SDK1: variants seen among roughly 807,000 people sequenced by gnomAD.
SDK1 encodes sidekick cell adhesion molecule 1, also known as protein sidekick-1.
Under a neutral mutation model 245.5 loss-of-function variants are expected in SDK1, and 157 were observed. The ratio of observed to expected loss-of-function variants is 0.64; its 90% confidence interval spans 0.56 to 0.73. SDK1 has a LOEUF of 0.73. Ranked by LOEUF, SDK1 falls within the 30% of genes least tolerant of loss-of-function variation. The probability of loss-of-function intolerance (pLI) is 0.00; values close to 1 mark genes in which losing one functional copy is unlikely to be tolerated. For missense variants in SDK1, 3,583 were observed against 3,002.3 expected, an observed-to-expected ratio of 1.19 and a Z score of -4.52; for synonymous variants, 1,647 against 1,278.5, an observed-to-expected ratio of 1.29 and a Z score of -6.15.
chr7:3,687,558 G>A (rs532581645), intron 4 of SDK1, among the ~76,000 whole-genome samples: 4 of 152,294 alleles, frequency 2.6e-5, no homozygotes, highest in East Asian at 3.9e-4. Flanking sequence ...GTGAACTGTC[G>A]ATGCACACGG....
At chr7:3,394,062 G>A (rs1175648582) in intron 1 of SDK1, among the ~76,000 whole-genome samples, 1 of 152,128 alleles carries the variant, frequency 6.6e-6, no homozygotes, top group East Asian at 1.9e-4. Context: ...CAGTAACACT[G>A]GTTCTTGCAG....
rs549854604 is a variant in SDK1, at chr7:4,139,523, GTA to G, written c.4229-6197_4229-6196del. Among the ~76,000 whole-genome samples, 25 of 10,200 alleles carry G rather than the reference GTA, an allele frequency of 2.5e-3. 2 individuals are homozygous for G. Among genetic ancestry groups the G allele is most frequent in the South Asian group, 0.013 (3 of 232 alleles). The allele number at this position is 10,200 out of a possible 152,430, so 6.7% of individuals were successfully genotyped here. A position where few individuals can be genotyped will look rare whatever the true frequency, so the allele number is the denominator to read the frequency against. ...TGTGTGTATATGTATATATGTGTGT[GTA>G]TGTGTGTGTGTATATATGTGTGTGT... On this transcript the variant is annotated intron_variant, in intron 28 of 44. Coordinates refer to ENST00000404826, the MANE Select transcript of SDK1 (RefSeq NM_152744.4).
In SDK1 at chr7:3,343,949, G is replaced by C. The variant is rs1310261820; in HGVS notation, c.298+42065G>C. 3.4e-5 allele frequency among the ~76,000 whole-genome samples: 5 copies of C among 145,850 alleles called. No individual in the cohort carries two copies. In the East Asian group the frequency reaches 8.1e-4, roughly 24 times the overall value. On this transcript the variant is annotated intron_variant, in intron 1 of 44. Transcript: ENST00000404826. ...TATTACGGACATATTATTGATAAAAGACATTTATGAAGAGGATAAACTGTG... is the reference window on the plus strand; with the variant it reads ...TATTACGGACATATTATTGATAAAACACATTTATGAAGAGGATAAACTGTG...
intron 17 of SDK1, among the ~76,000 whole-genome samples, chr7:4,023,114 T>G (rs756390578): frequency 1.3e-5 from 2 of 152,074 alleles, no homozygotes; most frequent in Non-Finnish European, 2.9e-5. Flanking sequence ...TCAGATATAT[T>G]TACAATGCAT....
chr7:3,404,338 T>G (rs1274672204), intron 1 of SDK1, among the ~76,000 whole-genome samples: 1 of 152,214 alleles, frequency 6.6e-6, no homozygotes, highest in African/African-American at 2.4e-5. Flanking sequence ...ACAGTAGATT[T>G]CTTCCGGTGT....
intron 22 of SDK1, among the ~76,000 whole-genome samples, chr7:4,097,984 A>G (rs1168869924): frequency 6.6e-6 from 1 of 152,162 alleles, no homozygotes; most frequent in Non-Finnish European, 1.5e-5. Flanking sequence ...TCTCTGCCTA[A>G]GCGTTTAGGT....
intron 1 of SDK1, among the ~76,000 whole-genome samples, chr7:3,505,780 T>G (rs1782373552): frequency 6.6e-6 from 1 of 152,120 alleles, no homozygotes; most frequent in Non-Finnish European, 1.5e-5. Context: ...AGAACTGACC[T>G]TTTGAGTATG....
At chr7:3,711,629 G>T (rs1318460657) in intron 4 of SDK1, among the ~76,000 whole-genome samples, 1 of 152,168 alleles carries the variant, frequency 6.6e-6, no homozygotes, top group African/African-American at 2.4e-5. Context: ...CATGTTCAAA[G>T]AGCCCAAAGC....
rs1330068552 is a variant in SDK1, at chr7:4,150,602, C to T, written c.4625+1139C>T. ...CGTGGCGCCCAGCCATCCTCGTCTT[C>T]GAGGCTGCCCGTCTCAGCCCTTCCT... is the stretch of plus-strand genomic sequence containing the variant. On this transcript the variant is annotated intron_variant, in intron 30 of 44. Coordinates refer to ENST00000404826, the MANE Select transcript of SDK1 (RefSeq NM_152744.4). Among the ~76,000 whole-genome samples, 4 of 152,218 alleles carry T rather than the reference C, an allele frequency of 2.6e-5. 1 individual carries two copies. The highest frequency in any genetic ancestry group is 4.1e-4 in the South Asian group (2 of 4,832).
chr7:3,804,238 T>A (rs1175895741), intron 4 of SDK1, among the ~76,000 whole-genome samples: 1 of 152,250 alleles, frequency 6.6e-6, no homozygotes, highest in African/African-American at 2.4e-5. Context: ...ATATTTATGA[T>A]GTTTTATGGG....
rs1001614178 is a variant in SDK1, at chr7:3,706,464, C to T, written c.713+64359C>T. Among the ~76,000 whole-genome samples, 8 of 152,138 alleles carry T rather than the reference C, an allele frequency of 5.3e-5. No individual in the cohort carries two copies. In the East Asian group the frequency reaches 1.2e-3, roughly 22 times the overall value. ...TCACCCAGGCTGGAGTGCAGTGGCACGATCTCAGCTCACTACAAGCTCCGC... is the reference window on the plus strand; with the variant it reads ...TCACCCAGGCTGGAGTGCAGTGGCATGATCTCAGCTCACTACAAGCTCCGC... On this transcript the variant is annotated intron_variant, in intron 4 of 44. Coordinates refer to ENST00000404826, the MANE Select transcript of SDK1 (RefSeq NM_152744.4).
At chr7:4,064,459 C>T (rs1220971804) in intron 19 of SDK1, among the ~76,000 whole-genome samples, 1 of 152,156 alleles carries the variant, frequency 6.6e-6, no homozygotes, top group Non-Finnish European at 1.5e-5. Flanking sequence ...CTCTAATACA[C>T]TGTTGGTGAT....
intron 25 of SDK1, among the ~76,000 whole-genome samples, chr7:4,124,198 T>C (rs546265974): frequency 1.3e-5 from 2 of 152,368 alleles, no homozygotes; most frequent in South Asian, 4.1e-4. Flanking sequence ...AACCCTGGCA[T>C]TGTCTTAAAG....
chr7:3,745,809 T>C (rs1676729732), intron 4 of SDK1, among the ~76,000 whole-genome samples: 1 of 152,204 alleles, frequency 6.6e-6, no homozygotes, highest in African/African-American at 2.4e-5. Context: ...AAACATATCA[T>C]TATTTGCAAA....
At chr7:3,591,211 T>G (rs1379939472) in intron 1 of SDK1, among the ~76,000 whole-genome samples, 1 of 152,228 alleles carries the variant, frequency 6.6e-6, no homozygotes, top group Non-Finnish European at 1.5e-5. Flanking sequence ...AATGTTTTTA[T>G]GTGTCAGATG....
chr7:4,048,472 C>T (rs6957862), intron 17 of SDK1, among the ~76,000 whole-genome samples: 1,995 of 152,152 alleles, frequency 0.013, 52 homozygotes, highest in African/African-American at 0.046. Flanking sequence ...CTGTCAGCAC[C>T]CCGCTTCCCC....
At position 3,974,407 on chromosome 7, in the gene SDK1, C is replaced by T. The variant is rs36103726; in HGVS notation, c.1856C>T (p.Ser619Leu). ...AAGGACAACGTGGCCCTGACTCCATCGAGCACGTCTAGGATCGTGGTGGAG... is the reference window on the plus strand; with the variant it reads ...AAGGACAACGTGGCCCTGACTCCATTGAGCACGTCTAGGATCGTGGTGGAG... Reference protein sequence around the residue: ...WKKDNVALTPSSTSRIVVEKD... With the variant: ...WKKDNVALTPLSTSRIVVEKD... The change falls in exon 13 of 45, where the codon TCG becomes TTG. Residue 619 changes from serine to leucine, a missense_variant. Transcript: ENST00000404826. 21,180 of 1,614,002 alleles carry T rather than the reference C, an allele frequency of 0.013. 175 individuals are homozygous for T. The highest frequency in any genetic ancestry group is 0.016 in the Non-Finnish European group (18,880 of 1,179,932).
chr7:3,364,154 T>A (rs1175437381), intron 1 of SDK1, among the ~76,000 whole-genome samples: 2 of 152,230 alleles, frequency 1.3e-5, no homozygotes, highest in African/African-American at 4.8e-5. Context: ...CACTGTTGAA[T>A]TTTAAGAGTT....
chr7:3,681,081 G>A (rs1209916567), intron 4 of SDK1, among the ~76,000 whole-genome samples: 1 of 152,132 alleles, frequency 6.6e-6, no homozygotes, highest in African/African-American at 2.4e-5. Context: ...CTGACCTTGT[G>A]ATCCACTGCC....
Sources: allele counts gnomAD v4.1 joint callset (sites outside exome capture counted in the v4.1 genomes callset), GRCh38; gene constraint gnomAD v4.1.1; transcripts MANE v1.5; gene names NCBI Gene and HGNC (gene_info 2026-07-23, HGNC 2026-07-21).